The following INPP4A variants were observed in gnomAD, a reference collection of about 807,000 sequenced individuals.
The protein encoded by INPP4A is inositol polyphosphate-4-phosphatase, type I, 107kD.
INPP4A carries 33 observed loss-of-function variants against 119.8 expected under a neutral mutation model. The observed-to-expected ratio is 0.28, with a 90% confidence interval of 0.21 to 0.37. The LOEUF is 0.37. Among genes scored for constraint, INPP4A ranks in the 10% least tolerant of loss-of-function variants. The pLI, the probability that INPP4A is intolerant of heterozygous loss-of-function variation, is 1.00. For missense variants in INPP4A, 956 were observed against 1,289.9 expected, an observed-to-expected ratio of 0.74 and a Z score of 3.97; for synonymous variants, 496 against 500.7, an observed-to-expected ratio of 0.99 and a Z score of 0.12.
At chr2:98,518,042 G>T (rs1360387467) in intron 1 of INPP4A, among the ~76,000 whole-genome samples, 6 of 152,226 alleles carry the variant, frequency 3.9e-5, no homozygotes, top group African/African-American at 1.4e-4. Flanking sequence ...TGTTTACCAT[G>T]TGTGTTCCTC....
chr2:98,588,362 G>A lies in INPP4A; in HGVS notation c.*754G>A, dbSNP rs372641904. On this transcript the variant is annotated 3_prime_UTR_variant, in exon 25 of 25. Coordinates refer to ENST00000409851, the MANE Select transcript of INPP4A (RefSeq NM_001134225.2). ...CTCCTGTTCTCTGAAGCTCCCTGCC[G>A]AGGCTCCCTCACGCCCAGAGGACAC... 5.0e-5 allele frequency: 10 copies of A among 199,652 alleles called. No individual in the cohort carries two copies. The highest frequency in any genetic ancestry group is 7.9e-5 in the East Asian group (1 of 12,722). The allele number at this position is 199,652 out of a possible 1,614,324, so 12.4% of individuals were successfully genotyped here. A position where few individuals can be genotyped will look rare whatever the true frequency, so the allele number is the denominator to read the frequency against.
intron 1 of INPP4A, among the ~76,000 whole-genome samples, chr2:98,502,002 G>A (rs1464424857): frequency 6.6e-6 from 1 of 152,146 alleles, no homozygotes; most frequent in East Asian, 1.9e-4. Context: ...AGTTATCTTC[G>A]TACATCAGTG....
chr2:98,557,097 A>G (rs1694626616), intron 16 of INPP4A, among the ~76,000 whole-genome samples: 1 of 152,150 alleles, frequency 6.6e-6, no homozygotes, highest in Admixed American at 6.5e-5. Flanking sequence ...GAGCTAGTTT[A>G]TTTCATCAGA....
chr2:98,566,143 C>G lies in INPP4A; in HGVS notation c.2394C>G (p.Ile798Met), dbSNP rs778111638. The G allele has an allele frequency of 6.3e-7, 1 of 1,597,542 alleles. No homozygotes were observed. Among genetic ancestry groups the G allele is most frequent in the Non-Finnish European group, 8.5e-7 (1 of 1,171,122 alleles). ...RVQPVLFNVG[I>M]NEQQTLAERF... ...AGCCCGTCCTCTTCAACGTGGGCAT[C>G]AATGAGCAGCAGACACTGGCCGAGA... Residue 798 changes from isoleucine (I) to methionine (M), a missense_variant, in exon 21 of 25, where the codon ATC becomes ATG. Ile to Met is a conservative substitution (Grantham distance 10, BLOSUM62 1). Coordinates refer to ENST00000409851, the MANE Select transcript of INPP4A (RefSeq NM_001134225.2). The surrounding 1 kb of genome is among the most constrained non-coding windows in gnomAD (Gnocchi z 4.2).
Position 98,569,866 on chromosome 2 carries a change from GA to G in INPP4A, c.2518+1199del, listed in dbSNP as rs1697143483. The G allele has an allele frequency of 6.6e-6, 1 of 152,332 alleles. No homozygotes were observed. Among genetic ancestry groups the G allele is most frequent in the South Asian group, 2.1e-4 (1 of 4,814 alleles). The allele number at this position is 152,332 out of a possible 1,614,324, so 9.4% of individuals were successfully genotyped here. A position where few individuals can be genotyped will look rare whatever the true frequency, so the allele number is the denominator to read the frequency against. On this transcript the variant is annotated intron_variant, in intron 22 of 24. Transcript: ENST00000409851. This position sits in a 1 kb window ranked among gnomAD's most constrained non-coding sequence, Gnocchi z 5.1. ...GCAAGAGTGTGCGGTTGGATTGGAAGAGGGGAGGCAAGCCGCTGATGGCCAG... is the reference window on the plus strand; with the variant it reads ...GCAAGAGTGTGCGGTTGGATTGGAAGGGGGAGGCAAGCCGCTGATGGCCAG...
In INPP4A at chr2:98,533,383, G is replaced by A; in HGVS notation, c.158G>A (p.Ser53Asn). Residue 53 changes from serine to asparagine, a missense_variant, in exon 5 of 25, where the codon AGT becomes AAT. By Grantham distance (46) the Ser-to-Asn change is conservative. Coordinates refer to ENST00000409851, the MANE Select transcript of INPP4A (RefSeq NM_001134225.2). Reference protein sequence around the residue: ...EPILEFSLACSELHTPSLDRK... With the variant: ...EPILEFSLACNELHTPSLDRK... ...TCCCGTGTTGATTCTGTAGCTTGCAGTGAGCTGCATACTCCATCGCTAGAT... is the reference window on the plus strand; with the variant it reads ...TCCCGTGTTGATTCTGTAGCTTGCAATGAGCTGCATACTCCATCGCTAGAT... 1.2e-6 allele frequency: 2 copies of A among 1,609,848 alleles called. No individual in the cohort carries two copies. Among genetic ancestry groups the A allele is most frequent in the Non-Finnish European group, 1.7e-6 (2 of 1,176,732 alleles).
chr2:98,447,487 A>G (rs1006027296), intron 1 of INPP4A, among the ~76,000 whole-genome samples: 4 of 152,278 alleles, frequency 2.6e-5, no homozygotes, highest in Admixed American at 2.0e-4. Context: ...AAATACCATC[A>G]TGAAGCTAAT....
intron 1 of INPP4A, among the ~76,000 whole-genome samples, chr2:98,467,065 C>T (rs1674933333): frequency 1.3e-5 from 2 of 152,058 alleles, no homozygotes; most frequent in African/African-American, 2.4e-5. Flanking sequence ...TGCTTCTACT[C>T]GTGGTGGAAG....
In INPP4A at chr2:98,587,658, C is replaced by G. The variant is rs773814420; in HGVS notation, c.*50C>G. Reference sequence around the variant, plus strand: ...GTTACATAATAAATGTGGGTACCCTCTAGTGTCATATATGAATTCTTCAAG... The same window carrying G: ...GTTACATAATAAATGTGGGTACCCTGTAGTGTCATATATGAATTCTTCAAG... On this transcript the variant is annotated 3_prime_UTR_variant, in exon 25 of 25. Coordinates refer to ENST00000409851, the MANE Select transcript of INPP4A (RefSeq NM_001134225.2). 1 of 1,430,708 alleles carries G rather than the reference C, an allele frequency of 7.0e-7. No homozygotes were observed. The highest frequency in any genetic ancestry group is 9.5e-7 in the Non-Finnish European group (1 of 1,057,376). The allele number at this position is 1,430,708 out of a possible 1,614,324, so 88.6% of individuals were successfully genotyped here. A position where few individuals can be genotyped will look rare whatever the true frequency, so the allele number is the denominator to read the frequency against.
chr2:98,548,314 C>G (rs1188381364), intron 13 of INPP4A, among the ~76,000 whole-genome samples: 1 of 152,216 alleles, frequency 6.6e-6, no homozygotes, highest in African/African-American at 2.4e-5. Flanking sequence ...ACCAGGTAAC[C>G]AGACCTGTCT....
rs755131830 is a variant in INPP4A, at chr2:98,533,471, G to A, written c.246G>A (p.Lys82=). ...CCCCTCCTCAGGCATTCTGGACGAA[G>A]CATGCACAGACGGAGATCATTGAGG... is the stretch of plus-strand genomic sequence containing the variant. ...VTTPPQAFWT[K]HAQTEIIEGT... The change falls in exon 5 of 25, where the codon AAG becomes AAA. Residue 82 remains lysine, a synonymous_variant. Transcript: ENST00000409851. 31 of 1,612,854 alleles carry A rather than the reference G, an allele frequency of 1.9e-5. No homozygotes were observed. The East Asian group carries it at 6.2e-4, about 32-fold the overall frequency.
At chr2:98,516,684 G>A (rs1292139478) in intron 1 of INPP4A, among the ~76,000 whole-genome samples, 1 of 152,184 alleles carries the variant, frequency 6.6e-6, no homozygotes, top group Non-Finnish European at 1.5e-5. Flanking sequence ...AAAGGGAAGA[G>A]CCTCTTCTTC....
At position 98,572,580 on chromosome 2, in the gene INPP4A, C is replaced by T. The variant is rs547954241; in HGVS notation, c.2519-235C>T. Among the ~76,000 whole-genome samples the T allele has an allele frequency of 6.6e-5, 10 of 152,334 alleles. No homozygotes were observed. In the East Asian group the frequency reaches 1.9e-3, roughly 29 times the overall value. On this transcript the variant is annotated intron_variant, in intron 22 of 24. Coordinates refer to ENST00000409851, the MANE Select transcript of INPP4A (RefSeq NM_001134225.2). ...GTGATTCGGTGGCCATTCCCAGCCC[C>T]TCAGAAGAACTGAAGGGAGATGAAG...
At chr2:98,444,712 C>A (rs1040236618), upstream of INPP4A, 7 of 152,310 alleles carry the variant, frequency 4.6e-5, no homozygotes, top group African/African-American at 1.7e-4. Context: ...TAGGAATTGG[C>A]GCGAGCAGCT....
Position 98,482,987 on chromosome 2 carries a change from G to A in INPP4A, c.-165-35977G>A, listed in dbSNP as rs1290483163. On this transcript the variant is annotated intron_variant, in intron 1 of 24. Coordinates refer to ENST00000409851, the MANE Select transcript of INPP4A (RefSeq NM_001134225.2). The stretch of plus-strand genomic sequence containing the variant: ...TGTGCTGAATCTGTACGTATATAAT[G>A]CAAATATTTCAAAATCTTAAAAAAA... Among the ~76,000 whole-genome samples the A allele has an allele frequency of 1.3e-5, 2 of 152,086 alleles. 1 individual carries two copies. Among genetic ancestry groups the A allele is most frequent in the South Asian group, 4.1e-4 (2 of 4,826 alleles).
chr2:98,458,401 A>G (rs1004859930), intron 1 of INPP4A, among the ~76,000 whole-genome samples: 5 of 152,078 alleles, frequency 3.3e-5, no homozygotes, highest in African/African-American at 1.2e-4. Context: ...GGGAGTGGCT[A>G]CGGATAGGCA....
intron 1 of INPP4A, among the ~76,000 whole-genome samples, chr2:98,445,671 C>G (rs1256839755): frequency 6.6e-6 from 1 of 152,060 alleles, no homozygotes; most frequent in Admixed American, 6.6e-5. Flanking sequence ...TGGGTAGGCC[C>G]CAGAAGACAG....
At position 98,554,298 on chromosome 2, in the gene INPP4A, T is replaced by C. The variant is rs763151498; in HGVS notation, c.1375T>C (p.Cys459Arg). The C allele has an allele frequency of 4.3e-6, 7 of 1,610,032 alleles. No individual in the cohort carries two copies. Among genetic ancestry groups the C allele is most frequent in the East Asian group, 2.2e-5 (1 of 44,756 alleles). The change falls in exon 15 of 25, where the codon TGC becomes CGC. Residue 459 changes from cysteine (C) to arginine (R), a missense_variant. By Grantham distance (180) the Cys-to-Arg change is radical. Around this residue, in one of 2 missense-constraint regions of INPP4A, gnomAD observed 652 missense variants for 797.9 expected, o/e 0.82. Coordinates refer to ENST00000409851, the MANE Select transcript of INPP4A (RefSeq NM_001134225.2). This position sits in a 1 kb window ranked among gnomAD's most constrained non-coding sequence, Gnocchi z 4.7. ...KTRQLVTVCD[C>R]KLLANSIHGL... ...ACGGCAGCTGGTCACGGTCTGCGAC[T>C]GCAAGCTCCTGGCCAACTCCATCCA...
At chr2:98,533,328 C>A in intron 4 of INPP4A, 49 bp from the exon 5 acceptor site, 2 of 1,191,374 alleles carry the variant, frequency 1.7e-6, no homozygotes, top group Non-Finnish European at 2.5e-6. Context: ...GAAAACTAAT[C>A]AGAGTCTGGT....
Sources: gnomAD v4.1 joint callset for allele counts (sites outside exome capture counted in the v4.1 genomes callset) on GRCh38, gnomAD v4.1.1 for gene constraint, gnomAD v4.1.1 regional missense constraint, Gnocchi (gnomAD v3.1) non-coding constraint, MANE v1.5 for transcripts, NCBI Gene and HGNC (gene_info 2026-07-23, HGNC 2026-07-21) for gene names.